The following XRCC2 variants were observed in gnomAD, a reference collection of about 807,000 sequenced individuals.
The protein encoded by XRCC2 is X-ray repair cross complementing 2.
In XRCC2, 24 loss-of-function variants were observed where a neutral mutation model predicts 27.3. That is an observed-to-expected ratio of 0.88 (90% CI 0.64 to 1.24). The LOEUF is 1.24. Ranked by LOEUF, XRCC2 falls within the 50% of genes most tolerant of loss-of-function variation. The probability of loss-of-function intolerance (pLI) is 0.00; values close to 1 mark genes in which losing one functional copy is unlikely to be tolerated. For missense variants in XRCC2, 321 were observed against 325.8 expected (o/e 0.99, Z 0.11); for synonymous variants, 106 against 115.4 (o/e 0.92, Z 0.52).
chr7:152,665,055 T>C (rs971193875), intron 1 of XRCC2, among the ~76,000 whole-genome samples: 4 of 152,038 alleles, frequency 2.6e-5, no homozygotes, highest in African/African-American at 9.7e-5. Context: ...TTTCAGATGC[T>C]GGCAAGTCAC....
intron 2 of XRCC2, among the ~76,000 whole-genome samples, chr7:152,652,256 AT>A (rs1186735055): frequency 4.6e-5 from 7 of 152,090 alleles, no homozygotes; most frequent in Non-Finnish European, 8.8e-5. Flanking sequence ...AAAAGTTAAC[AT>A]AGCAACTAAA....
At chr7:152,652,890 G>T (rs544403666) in intron 2 of XRCC2, among the ~76,000 whole-genome samples, 1 of 152,306 alleles carries the variant, frequency 6.6e-6, no homozygotes, top group South Asian at 2.1e-4. Flanking sequence ...AGTTCAGCAG[G>T]TAAGAAAGTC....
At chr7:152,649,505 T>A in intron 2 of XRCC2, 142 bp from the exon 3 acceptor site, 3 of 992,342 alleles carry the variant, frequency 3.0e-6, no homozygotes, top group Non-Finnish European at 4.2e-6. Context: ...AATGGAGCTG[T>A]ACAAGCAAAT....
chr7:152,674,292 C>T (rs1419955623), intron 1 of XRCC2, among the ~76,000 whole-genome samples: 5 of 152,094 alleles, frequency 3.3e-5, no homozygotes. Flanking sequence ...AATCATCGGA[C>T]CTTAACCTGG....
intron 2 of XRCC2, among the ~76,000 whole-genome samples, chr7:152,653,470 C>CT (rs999446439): frequency 2.0e-5 from 3 of 152,004 alleles, no homozygotes; most frequent in Non-Finnish European, 4.4e-5. Context: ...ATAAAGTAGA[C>CT]TTTTTTTGAG....
chr7:152,665,929 C>T (rs1394664966), intron 1 of XRCC2, among the ~76,000 whole-genome samples: 3 of 152,136 alleles, frequency 2.0e-5, no homozygotes, highest in African/African-American at 7.2e-5. Context: ...GTGACTTTCT[C>T]TGAGAGGATG....
chr7:152,672,742 T>G (rs993626443), intron 1 of XRCC2, among the ~76,000 whole-genome samples: 1 of 152,202 alleles, frequency 6.6e-6, no homozygotes, highest in African/African-American at 2.4e-5. Flanking sequence ...TCAGTGCTAT[T>G]GGAATTTTCT....
chr7:152,676,057 GCCCTAT>G lies in XRCC2; in HGVS notation c.17_22del (p.His6_Ala8delinsPro). On this transcript the variant is annotated inframe_deletion, in exon 1 of 3. Coordinates refer to ENST00000359321, the MANE Select transcript of XRCC2 (RefSeq NM_005431.2). ...GGCTCTCACCTCGGTCCCAGACTCA[GCCCTAT>G]GGAAGGCACTACACATCGCCCCGAA... 6.2e-7 allele frequency: 1 copy of G among 1,613,816 alleles called. No homozygotes were observed. Among genetic ancestry groups the G allele is most frequent in the Non-Finnish European group, 8.5e-7 (1 of 1,179,812 alleles).
In XRCC2 at chr7:152,648,841, C is replaced by T. The variant is rs762828701; in HGVS notation, c.644G>A (p.Arg215Gln). The change falls in exon 3 of 3, where the codon CGA becomes CAA. Residue 215 changes from arginine to glutamine, a missense_variant. Coordinates refer to ENST00000359321, the MANE Select transcript of XRCC2 (RefSeq NM_005431.2). Reference protein sequence around the residue: ...SSEEPSHASRRLCDVDIDYRP... With the variant: ...SSEEPSHASRQLCDVDIDYRP... ...GTAGTCTATGTCCACATCACACAGT[C>T]GTCGAGAGGCATGAGAAGGTTCTTC... is the stretch of plus-strand genomic sequence containing the variant. The T allele has an allele frequency of 6.8e-6, 11 of 1,613,768 alleles. No individual in the cohort carries two copies. Among genetic ancestry groups the T allele is most frequent in the Admixed American group, 5.0e-5 (3 of 60,004 alleles).
Position 152,660,757 on chromosome 7 carries a change from C to T in XRCC2, c.65G>A (p.Ser22Asn), listed in dbSNP as rs1016461143. Residue 22 changes from serine (S) to asparagine (N), a missense_variant, in exon 2 of 3, where the codon AGT becomes AAT. Ser to Asn is a conservative substitution (Grantham distance 46). Coordinates refer to ENST00000359321, the MANE Select transcript of XRCC2 (RefSeq NM_005431.2). ...ATTTGGTTCTATTTCTTTCAAGGAA[C>T]TTCTACCTTCAAGTCGGGCAAGGAG... ...TELLARLEGR[S>N]SLKEIEPNLF... 2.4e-5 allele frequency: 39 copies of T among 1,613,230 alleles called. No individual in the cohort carries two copies. The highest frequency in any genetic ancestry group is 1.5e-4 in the African/African-American group (11 of 74,908).
rs754786665 is a variant in XRCC2 at position 152,648,639 on chromosome 7, A to G, written c.*3T>C. 4 of 1,589,564 alleles carry G rather than the reference A, an allele frequency of 2.5e-6. No homozygotes were observed. The highest frequency in any genetic ancestry group is 2.2e-5 in the East Asian group (1 of 44,794). The stretch of plus-strand genomic sequence containing the variant: ...CCTGCAAAAGACTATTTTATGATGT[A>G]TATCAACAAAATTCAACCCCACTTT... On this transcript the variant is annotated 3_prime_UTR_variant, in exon 3 of 3. Coordinates refer to ENST00000359321, the MANE Select transcript of XRCC2 (RefSeq NM_005431.2).
intron 1 of XRCC2, among the ~76,000 whole-genome samples, chr7:152,669,294 C>T (rs1292347499): frequency 2.0e-5 from 3 of 152,190 alleles, no homozygotes; most frequent in Non-Finnish European, 4.4e-5. Context: ...CTTCTTTCAA[C>T]CATTCCTTTA....
rs538744805 is a variant in XRCC2, at chr7:152,647,636, C to T, written c.*1006G>A. 18 of 152,208 alleles carry T rather than the reference C, an allele frequency of 1.2e-4. No homozygotes were observed. The highest frequency in any genetic ancestry group is 3.4e-4 in the African/African-American group (14 of 41,530). The allele number at this position is 152,208 out of a possible 1,614,324, so 9.4% of individuals were successfully genotyped here. Reference sequence around the variant, plus strand: ...ATATGGCTGGCCAGTTATCCCAGCACGATTTATTGAATAGAGAATCCATTG... The same window carrying T: ...ATATGGCTGGCCAGTTATCCCAGCATGATTTATTGAATAGAGAATCCATTG... On this transcript the variant is annotated 3_prime_UTR_variant, in exon 3 of 3. Coordinates refer to ENST00000359321, the MANE Select transcript of XRCC2 (RefSeq NM_005431.2).
chr7:152,675,909 G>T (rs559833328), intron 1 of XRCC2, 132 bp downstream of exon 1: 24 of 1,233,676 alleles, frequency 1.9e-5, no homozygotes, highest in African/African-American at 4.5e-5. Context: ...GGGCGTCTAG[G>T]CCGAGAGGCC....
rs547771529 is a variant in XRCC2 at position 152,646,099 on chromosome 7, T to A, written c.*2543A>T. 6.6e-6 allele frequency: 1 copy of A among 152,144 alleles called. No homozygotes were observed. The highest frequency in any genetic ancestry group is 2.1e-4 in the South Asian group (1 of 4,828). The allele number at this position is 152,144 out of a possible 1,614,324, so 9.4% of individuals were successfully genotyped here. ...TTTAAATTTAAAAATCAGCCCACCA[T>A]TTTCCTGTTTCATTTTAAAGTTATG... On this transcript the variant is annotated 3_prime_UTR_variant, in exon 3 of 3. Coordinates refer to ENST00000359321, the MANE Select transcript of XRCC2 (RefSeq NM_005431.2).
At chr7:152,655,956 GAC>G (rs1365784562) in intron 2 of XRCC2, among the ~76,000 whole-genome samples, 3 of 152,122 alleles carry the variant, frequency 2.0e-5, no homozygotes, top group African/African-American at 7.2e-5. Context: ...CAGCCTGGGT[GAC>G]AGAGTGAGAC....
rs1320562831 is a variant in XRCC2, at chr7:152,662,642, GGCTCACT to G, written c.40-1867_40-1861del. On this transcript the variant is annotated intron_variant, in intron 1 of 2. Coordinates refer to ENST00000359321, the MANE Select transcript of XRCC2 (RefSeq NM_005431.2). ...GGCTGGAGTGCAGTGGCGGGATCTC[GGCTCACT>G]GCAAGCTCCGCCTCCCGGGTTCACG... Among the ~76,000 whole-genome samples, 1,024 of 136,610 alleles carry G rather than the reference GGCTCACT, an allele frequency of 7.5e-3. 14 individuals are homozygous for G. The highest frequency in any genetic ancestry group is 0.027 in the African/African-American group (959 of 35,018). 89.6% of individuals were successfully genotyped at this position (136,610 alleles called of 152,430 possible).
Position 152,649,295 on chromosome 7 carries a change from G to C in XRCC2, c.190C>G (p.Arg64Gly). The change falls in exon 3 of 3, where the codon CGA becomes GGA. Residue 64 changes from arginine to glycine, a missense_variant. Transcript: ENST00000359321. ...KTEMLYHLTA[R>G]CILPKSEGGL... ...CCTTCTGATTTGGGAAGTATACATC[G>C]TGCTGTTAGGTGATAAAGCATTTCT... 6.2e-7 allele frequency: 1 copy of C among 1,612,856 alleles called. No individual in the cohort carries two copies. The highest frequency in any genetic ancestry group is 8.5e-7 in the Non-Finnish European group (1 of 1,179,896).
intron 1 of XRCC2, among the ~76,000 whole-genome samples, chr7:152,661,815 AAGAGT>A (rs1170505367): frequency 1.3e-5 from 2 of 152,234 alleles, no homozygotes; most frequent in Non-Finnish European, 1.5e-5. Context: ...GAACATAGTT[AAGAGT>A]AGACATTTGG....
Sources: allele counts gnomAD v4.1 joint callset (sites outside exome capture counted in the v4.1 genomes callset), GRCh38; gene constraint gnomAD v4.1.1; transcripts MANE v1.5; gene names NCBI Gene and HGNC (gene_info 2026-07-23, HGNC 2026-07-21).